SCFD2: variants seen among roughly 807,000 people sequenced by gnomAD.
SCFD2 encodes sec1 family domain containing 2.
In SCFD2, 54 loss-of-function variants were observed where a neutral mutation model predicts 58.9. The ratio of observed to expected loss-of-function variants is 0.92; its 90% CI spans 0.74 to 1.15. SCFD2 has a LOEUF of 1.15. Ranked by LOEUF, SCFD2 falls within the 50% of genes most tolerant of loss-of-function variation. The probability of loss-of-function intolerance (pLI) is 0.00; values close to 1 mark genes in which losing one functional copy is unlikely to be tolerated. For synonymous variants in SCFD2, 321 were observed against 335.9 expected (o/e 0.96, Z 0.49); for missense variants, 805 against 836.6 (o/e 0.96, Z 0.47).
Position 53,053,952 on chromosome 4 carries a change from T to C in SCFD2, c.1561+91381A>G, listed in dbSNP as rs142942231. 8.1e-3 allele frequency among the ~76,000 whole-genome samples: 1,234 copies of C among 152,304 alleles called. 8 individuals carry two copies. Among genetic ancestry groups the C allele is most frequent in the African/African-American group, 0.028 (1,173 of 41,572 alleles). The stretch of plus-strand genomic sequence containing the variant: ...TAATTCTTTCAAAGAATTAGAATTA[T>C]TCTTTGTCGCTATTTTGAAATACAC... On this transcript the variant is annotated intron_variant, in intron 5 of 8. Coordinates refer to ENST00000401642, the MANE Select transcript of SCFD2 (RefSeq NM_152540.4).
At chr4:53,010,489 G>A (rs1461637110) in intron 5 of SCFD2, among the ~76,000 whole-genome samples, 1 of 152,192 alleles carries the variant, frequency 6.6e-6, no homozygotes, top group Non-Finnish European at 1.5e-5. Flanking sequence ...GCTGACTTGG[G>A]AATCCAGCTG....
chr4:53,260,439 G>A (rs182356097), intron 4 of SCFD2, among the ~76,000 whole-genome samples: 76 of 152,166 alleles, frequency 5.0e-4, no homozygotes, highest in African/African-American at 1.7e-3. Flanking sequence ...AATCACTAAG[G>A]GATGCTGGAT....
chr4:52,968,688 A>T (rs1721021060), intron 5 of SCFD2, among the ~76,000 whole-genome samples: 1 of 152,172 alleles, frequency 6.6e-6, no homozygotes, highest in Admixed American at 6.5e-5. Flanking sequence ...ACAGAATTGG[A>T]CAGGTATGAG....
chr4:53,330,584 T>G (rs1353482528), intron 2 of SCFD2, among the ~76,000 whole-genome samples: 1 of 151,638 alleles, frequency 6.6e-6, no homozygotes, highest in African/African-American at 2.4e-5. Context: ...TTACAAGAGC[T>G]CCTGAAGGAA....
intron 1 of SCFD2, among the ~76,000 whole-genome samples, chr4:53,354,002 A>C (rs1391817127): frequency 6.6e-6 from 1 of 152,260 alleles, no homozygotes. Flanking sequence ...ACCCAACTCA[A>C]GAGCCCAGCT....
At chr4:53,190,595 T>C (rs1430296121) in intron 4 of SCFD2, among the ~76,000 whole-genome samples, 2 of 152,200 alleles carry the variant, frequency 1.3e-5, no homozygotes, top group African/African-American at 4.8e-5. Context: ...TTATACTTTC[T>C]AATATATGAT....
At chr4:53,344,627 A>G (rs1201666386) in intron 2 of SCFD2, among the ~76,000 whole-genome samples, 1 of 152,256 alleles carries the variant, frequency 6.6e-6, no homozygotes, top group Non-Finnish European at 1.5e-5. Context: ...ACCAAAAAAG[A>G]GCCCGCATTG....
chr4:52,914,561 C>A (rs1401257401), intron 6 of SCFD2, among the ~76,000 whole-genome samples: 1 of 152,122 alleles, frequency 6.6e-6, no homozygotes, highest in Non-Finnish European at 1.5e-5. Context: ...TGATGGGGAG[C>A]TACTTTCCTG....
chr4:52,879,236 C>T (rs1328501165), intron 8 of SCFD2, among the ~76,000 whole-genome samples: 1 of 152,210 alleles, frequency 6.6e-6, no homozygotes, highest in Admixed American at 6.5e-5. Flanking sequence ...AGCCACCATA[C>T]CTGCCCTGCA....
Position 53,243,579 on chromosome 4 carries a change from C to A in SCFD2, c.1311+30247G>T, listed in dbSNP as rs1372896415. ...TAAAGCAACTATACAAACAAGTTGG[C>A]ATAATGACCACTTATCAACATGAAG... is the stretch of plus-strand genomic sequence containing the variant. On this transcript the variant is annotated intron_variant, in intron 4 of 8. Transcript: ENST00000401642. Among the ~76,000 whole-genome samples the A allele has an allele frequency of 3.9e-5, 6 of 151,972 alleles. No individual in the cohort carries two copies. In the South Asian group the frequency reaches 1.2e-3, roughly 32 times the overall value.
At chr4:52,966,461 T>C (rs1228455538) in intron 5 of SCFD2, among the ~76,000 whole-genome samples, 1 of 152,140 alleles carries the variant, frequency 6.6e-6, no homozygotes, top group African/African-American at 2.4e-5. Flanking sequence ...CCACATTACC[T>C]TCCACATCAC....
At chr4:52,934,186 C>T (rs1039419889) in intron 5 of SCFD2, among the ~76,000 whole-genome samples, 1 of 152,230 alleles carries the variant, frequency 6.6e-6, no homozygotes, top group Non-Finnish European at 1.5e-5. Context: ...TTTTCCCACA[C>T]TAGCATACAA....
At chr4:53,072,415 G>A (rs945606587) in intron 5 of SCFD2, among the ~76,000 whole-genome samples, 1 of 152,058 alleles carries the variant, frequency 6.6e-6, no homozygotes, top group African/African-American at 2.4e-5. Flanking sequence ...GCTTGCACAG[G>A]TGAAGGTTAG....
chr4:52,983,876 C>T (rs369998536), intron 5 of SCFD2, among the ~76,000 whole-genome samples: 46 of 152,314 alleles, frequency 3.0e-4, no homozygotes, highest in African/African-American at 1.1e-3. Context: ...ACCTAGTATC[C>T]TTGCCTACAC....
intron 5 of SCFD2, among the ~76,000 whole-genome samples, chr4:52,941,095 T>C (rs903049585): frequency 2.0e-5 from 3 of 152,138 alleles, no homozygotes; most frequent in Non-Finnish European, 2.9e-5. Flanking sequence ...GCATTTTTTT[T>C]TTTCCTGCAG....
chr4:53,362,332 G>T (rs1734569894), intron 1 of SCFD2, among the ~76,000 whole-genome samples: 1 of 152,190 alleles, frequency 6.6e-6, no homozygotes, highest in Admixed American at 6.5e-5. Context: ...GTATGGCCTT[G>T]AAAACAACAG....
intron 8 of SCFD2, among the ~76,000 whole-genome samples, chr4:52,876,701 G>T (rs1447233989): frequency 1.5e-5 from 2 of 130,866 alleles, no homozygotes; most frequent in African/African-American, 5.7e-5. Context: ...AGTGAGCCAA[G>T]ATTGTGCCAC....
chr4:53,058,629 A>T lies in SCFD2; in HGVS notation c.1561+86704T>A, dbSNP rs545537708. Reference sequence around the variant, plus strand: ...ATAGGAAATTCCAATTTTCAGTCACAGTTCAAATTTATTGTTAAAAAGGAA... The same window carrying T: ...ATAGGAAATTCCAATTTTCAGTCACTGTTCAAATTTATTGTTAAAAAGGAA... On this transcript the variant is annotated intron_variant, in intron 5 of 8. Transcript: ENST00000401642. Among the ~76,000 whole-genome samples the T allele has an allele frequency of 2.0e-5, 3 of 152,318 alleles. No homozygotes were observed. In the South Asian group the frequency reaches 6.2e-4, roughly 32 times the overall value.
chr4:52,917,874 G>T (rs560535858), intron 6 of SCFD2, among the ~76,000 whole-genome samples: 1 of 152,244 alleles, frequency 6.6e-6, no homozygotes, highest in Non-Finnish European at 1.5e-5. Flanking sequence ...AATGGGTAAA[G>T]ATTAAAATAA....
Sources: allele counts gnomAD v4.1 joint callset (sites outside exome capture counted in the v4.1 genomes callset), GRCh38; gene constraint gnomAD v4.1.1; transcripts MANE v1.5; gene names NCBI Gene and HGNC (gene_info 2026-07-23, HGNC 2026-07-21).